FAM98A: variants seen among roughly 807,000 people sequenced by gnomAD.
FAM98A encodes tRNA splicing ligase complex subunit 3A.
Under a neutral mutation model 62.9 loss-of-function variants are expected in FAM98A, and 25 were observed. That is an observed-to-expected ratio of 0.40 (90% CI 0.29 to 0.56). The LOEUF (loss-of-function observed/expected upper bound fraction) is 0.56, where lower values mean the gene tolerates loss of function less well. Among genes scored for constraint, FAM98A ranks in the 20% least tolerant of loss-of-function variants. The pLI is 0.51. For missense variants in FAM98A, 653 were observed against 640.7 expected (o/e 1.02, Z -0.21); for synonymous variants, 252 against 228.6 (o/e 1.10, Z -0.92).
rs1334651153 is a variant in FAM98A, at chr2:33,585,708, A to G, written c.721-11T>C. ...TTTTTCTGTCTGGCTCTGTTGAAAG[A>G]AAAGTGTTCAAAGAGAAATGTCAAT... On this transcript the variant is annotated splice_polypyrimidine_tract_variant and intron_variant, in intron 6 of 7. Coordinates refer to ENST00000238823, the MANE Select transcript of FAM98A (RefSeq NM_015475.5). 11 of 1,603,332 alleles carry G rather than the reference A, an allele frequency of 6.9e-6. 1 individual carries two copies. In the Admixed American group the frequency reaches 1.7e-4, roughly 25 times the overall value.
In FAM98A at chr2:33,584,741, A is replaced by G. The variant is rs753962089; in HGVS notation, c.*35T>C. ...AGGATTCTGAAACTAAGTTTCTATT[A>G]CTTGAGCTCTAGCAAAATGTAAGGT... On this transcript the variant is annotated 3_prime_UTR_variant, in exon 8 of 8. Transcript: ENST00000238823. 5 of 1,525,396 alleles carry G rather than the reference A, an allele frequency of 3.3e-6. No homozygotes were observed. The African/African-American group carries it at 5.5e-5, about 17-fold the overall frequency. 94.5% of individuals were successfully genotyped at this position (1,525,396 alleles called of 1,614,324 possible).
intron 1 of FAM98A, 98 bp from the exon 2 acceptor site, chr2:33,595,735 T>C: frequency 1.2e-6 from 1 of 820,048 alleles, no homozygotes; most frequent in Non-Finnish European, 1.8e-6. Flanking sequence ...AGCAATAATT[T>C]AATAAAGATA....
chr2:33,590,720 G>C (rs566567654), intron 3 of FAM98A, among the ~76,000 whole-genome samples: 40 of 152,244 alleles, frequency 2.6e-4, no homozygotes, highest in African/African-American at 8.4e-4. Context: ...ATAAAGTCTA[G>C]AATTATGACC....
In FAM98A at chr2:33,584,809, A is replaced by G; in HGVS notation, c.1524T>C (p.Ser508=). Reference sequence around the variant, plus strand: ...TGTAATGTCTTCCCTGTCCAAATCCAGAATGATTATACTGATAACCTCCAT... The same window carrying G: ...TGTAATGTCTTCCCTGTCCAAATCCGGAATGATTATACTGATAACCTCCAT... ...FQHGGYQYNH[S]GFGQGRHYTS Residue 508 remains serine (S), a synonymous_variant, in exon 8 of 8, where the codon TCT becomes TCC. Coordinates refer to ENST00000238823, the MANE Select transcript of FAM98A (RefSeq NM_015475.5). The G allele has an allele frequency of 6.2e-7, 1 of 1,609,810 alleles. No homozygotes were observed.
intron 2 of FAM98A, among the ~76,000 whole-genome samples, chr2:33,592,703 C>G (rs552052414): frequency 6.6e-6 from 1 of 152,300 alleles, no homozygotes; most frequent in East Asian, 1.9e-4. Flanking sequence ...TTCATTAGGT[C>G]ATTCTCTTAT....
At chr2:33,597,213 G>T (rs1677832830) in intron 1 of FAM98A, among the ~76,000 whole-genome samples, 1 of 152,062 alleles carries the variant, frequency 6.6e-6, no homozygotes. Context: ...ATGACTATTT[G>T]CCAGGATCAG....
chr2:33,595,308 T>C (rs1677784443), intron 2 of FAM98A, among the ~76,000 whole-genome samples, 181 bp downstream of exon 2: 2 of 152,208 alleles, frequency 1.3e-5, no homozygotes, highest in Non-Finnish European at 2.9e-5. Context: ...GACTTTATTC[T>C]GGTATTTCAA....
At chr2:33,596,891 C>CAAAAAAAA (rs55741538) in intron 1 of FAM98A, among the ~76,000 whole-genome samples, 1 of 103,456 alleles carries the variant, frequency 9.7e-6, no homozygotes, top group Non-Finnish European at 1.8e-5. Flanking sequence ...GACTCCGTAT[C>CAAAAAAAA]AAAAAAAAAA....
intron 1 of FAM98A, 78 bp from the exon 2 acceptor site, chr2:33,595,715 T>C (rs1677797291): frequency 4.0e-6 from 4 of 989,186 alleles, no homozygotes; most frequent in South Asian, 3.9e-5. Context: ...ATCTATGTCT[T>C]ATTTATATAA....
In FAM98A at chr2:33,595,686, T is replaced by C. The variant is rs772367208; in HGVS notation, c.54-49A>G. ...CAGAAGAAAATACAATCATACCTAA[T>C]ATATTACAGATAAAACATATCTATG... On this transcript the variant is annotated intron_variant, in intron 1 of 7. Transcript: ENST00000238823. The C allele has an allele frequency of 3.6e-6, 5 of 1,387,184 alleles. No homozygotes were observed. The East Asian group carries it at 9.9e-5, about 28-fold the overall frequency. 85.9% of individuals were successfully genotyped at this position (1,387,184 alleles called of 1,614,324 possible).
intron 3 of FAM98A, 174 bp downstream of exon 3, chr2:33,591,906 G>A: frequency 1.8e-6 from 1 of 546,148 alleles, no homozygotes; most frequent in Non-Finnish European, 3.2e-6. Context: ...AATGCTACCA[G>A]TGCACACGTC....
At chr2:33,588,131 C>A in intron 4 of FAM98A, 1 of 580,864 alleles carries the variant, frequency 1.7e-6, no homozygotes, top group South Asian at 1.8e-5. Flanking sequence ...AAGAAACATG[C>A]TAACATGTTT....
chr2:33,598,444 T>C (rs1677867054), intron 1 of FAM98A, among the ~76,000 whole-genome samples: 1 of 152,192 alleles, frequency 6.6e-6, no homozygotes. Context: ...TTCCAGCTTC[T>C]AGATACTGAT....
chr2:33,593,229 C>A (rs1415247669), intron 2 of FAM98A, among the ~76,000 whole-genome samples: 1 of 152,114 alleles, frequency 6.6e-6, no homozygotes, highest in Non-Finnish European at 1.5e-5. Flanking sequence ...CGTGGCAAAA[C>A]CCCGTCTCTA....
At chr2:33,587,526 C>A (rs942673348) in intron 4 of FAM98A, 2 of 544,154 alleles carry the variant, frequency 3.7e-6, no homozygotes, top group Middle Eastern at 5.0e-4. Context: ...CTTCATTGCA[C>A]CTAGAACAGT....
At chr2:33,589,235 T>C (rs1239092282) in intron 3 of FAM98A, 1 of 152,242 alleles carries the variant, frequency 6.6e-6, no homozygotes, top group Non-Finnish European at 1.5e-5. Flanking sequence ...TGTGTCAGTA[T>C]CATCCCCTTG....
At chr2:33,594,740 G>A (rs1677764785) in intron 2 of FAM98A, among the ~76,000 whole-genome samples, 2 of 149,616 alleles carry the variant, frequency 1.3e-5, no homozygotes, top group Non-Finnish European at 3.0e-5. Flanking sequence ...CATGCAAGAA[G>A]GTGAGCTCTT....
intron 2 of FAM98A, among the ~76,000 whole-genome samples, chr2:33,593,219 C>T (rs931371592): frequency 4.6e-5 from 7 of 152,152 alleles, no homozygotes; most frequent in East Asian, 1.9e-4. Context: ...GCCTGAGTAA[C>T]GTGGCAAAAC....
chr2:33,594,704 T>A (rs574703163), intron 2 of FAM98A, among the ~76,000 whole-genome samples: 3 of 13,550 alleles, frequency 2.2e-4, no homozygotes, highest in Non-Finnish European at 5.3e-4. Flanking sequence ...CACATATATA[T>A]ATACACACAC....
Sources: allele counts gnomAD v4.1 joint callset (sites outside exome capture counted in the v4.1 genomes callset), GRCh38; gene constraint gnomAD v4.1.1; transcripts MANE v1.5; gene names NCBI Gene and HGNC (gene_info 2026-07-23, HGNC 2026-07-21).